PAK3: variants seen among roughly 807,000 people sequenced by gnomAD.
PAK3 encodes serine/threonine-protein kinase PAK 3.
PAK3 carries 4 observed loss-of-function variants against 41.0 expected under a neutral mutation model. That is an observed-to-expected ratio of 0.10 (90% CI 0.05 to 0.22). The LOEUF (loss-of-function observed/expected upper bound fraction) is 0.22, where lower values mean the gene tolerates loss of function less well. Ranked by LOEUF, PAK3 falls within the 10% of genes least tolerant of loss-of-function variation. The pLI, the probability that PAK3 is intolerant of heterozygous loss-of-function variation, is 1.00. For missense variants in PAK3, 205 were observed against 409.9 expected, an observed-to-expected ratio of 0.50 and a Z score of 4.32; for synonymous variants, 146 against 139.6, an observed-to-expected ratio of 1.05 and a Z score of -0.32.
At chrX:110,959,320 A>T (rs1474020477) in intron 1 of PAK3, among the ~76,000 whole-genome samples, 1 of 112,103 alleles carries the variant, frequency 8.9e-6, no homozygotes, top group Non-Finnish European at 1.9e-5. Flanking sequence ...CCATTTCTGC[A>T]ATCCACTGCC....
chrX:111,101,621 G>T lies in PAK3; in HGVS notation c.-175-1538G>T, dbSNP rs145274740. Among the ~76,000 whole-genome samples the T allele has an allele frequency of 3.6e-5, 4 of 112,104 alleles. No individual in the cohort carries two copies. The East Asian group carries it at 1.1e-3, about 32-fold the overall frequency. ...CCTCATCCCCAGAGATGGGCAGGGG[G>T]CTTCTTGAGGCCATTCTTCCTGTGT... is the stretch of plus-strand genomic sequence containing the variant. On this transcript the variant is annotated intron_variant, in intron 3 of 17. Transcript: ENST00000372007.
At position 111,060,948 on chromosome X, in the gene PAK3, T is replaced by C. The variant is rs984921018; in HGVS notation, c.-27-62129T>C. 3.6e-5 allele frequency among the ~76,000 whole-genome samples: 4 copies of C among 111,911 alleles called. 1 individual carries two copies. The highest frequency in any genetic ancestry group is 7.5e-5 in the Non-Finnish European group (4 of 53,180). On this transcript the variant is annotated intron_variant, in intron 1 of 14. Transcript: ENST00000425146. ...GATAGATGAAGGTGAGAGCTCATGG[T>C]TAATTAGTGGTAAAATTGAATAGAT...
chrX:111,165,396 C>T (rs1483622004), intron 10 of PAK3, among the ~76,000 whole-genome samples: 1 of 111,770 alleles, frequency 8.9e-6, no homozygotes, highest in Non-Finnish European at 1.9e-5. Context: ...GCAGCTGATT[C>T]TAATATCCTC....
chrX:111,035,495 G>T (rs1181845558), intron 1 of PAK3, among the ~76,000 whole-genome samples: 3 of 111,822 alleles, frequency 2.7e-5, no homozygotes, highest in Non-Finnish European at 3.8e-5. Context: ...GGACTGAATG[G>T]TGCCTGGCAT....
chrX:111,190,583 C>G (rs771977456), intron 11 of PAK3, among the ~76,000 whole-genome samples: 14 of 111,392 alleles, frequency 1.3e-4, no homozygotes, highest in Non-Finnish European at 2.3e-4. Context: ...GATGTTAGGA[C>G]AAATATTAGA....
At chrX:110,996,940 A>G (rs2091750258) in intron 1 of PAK3, among the ~76,000 whole-genome samples, 1 of 112,031 alleles carries the variant, frequency 8.9e-6, no homozygotes, top group Admixed American at 9.5e-5. Context: ...TAATGGAGAT[A>G]TAAATTTTTT....
intron 1 of PAK3, among the ~76,000 whole-genome samples, chrX:111,061,857 C>G (rs1037842606): frequency 2.7e-4 from 30 of 110,650 alleles, no homozygotes; most frequent in African/African-American, 9.9e-4. Flanking sequence ...CTTTGTTGCC[C>G]AGGCTAGAAT....
At chrX:110,979,547 G>C (rs1185990487) in intron 1 of PAK3, among the ~76,000 whole-genome samples, 1 of 110,956 alleles carries the variant, frequency 9.0e-6, no homozygotes, top group Non-Finnish European at 1.9e-5. Context: ...TCTGGCCTTG[G>C]CCTCCCAAAG....
chrX:111,172,261 A>G (rs1469062165), intron 10 of PAK3, among the ~76,000 whole-genome samples: 1 of 111,970 alleles, frequency 8.9e-6, no homozygotes, highest in Admixed American at 9.5e-5. Flanking sequence ...AATTTTAGCC[A>G]TTCTGATCGG....
intron 1 of PAK3, among the ~76,000 whole-genome samples, chrX:110,963,060 C>A (rs988336922): frequency 8.9e-5 from 10 of 112,118 alleles, no homozygotes; most frequent in African/African-American, 3.2e-4. Context: ...TGAAGAACAA[C>A]CATGGCCTTG....
chrX:111,089,980 A>G (rs1257443948), intron 1 of PAK3, among the ~76,000 whole-genome samples: 1 of 110,563 alleles, frequency 9.0e-6, no homozygotes, highest in Non-Finnish European at 1.9e-5. Context: ...GTAGGAACTG[A>G]ATAAGTCTGT....
intron 1 of PAK3, among the ~76,000 whole-genome samples, chrX:111,062,122 C>T (rs1380459012): frequency 9.0e-6 from 1 of 111,463 alleles, no homozygotes; most frequent in Non-Finnish European, 1.9e-5. Context: ...CACTGAGCTC[C>T]CAGTCACTTT....
intron 16 of PAK3, among the ~76,000 whole-genome samples, chrX:111,206,334 C>T (rs769412103): frequency 9.4e-4 from 105 of 111,791 alleles, no homozygotes; most frequent in Non-Finnish European, 1.7e-3. Flanking sequence ...TAGTTCCAAA[C>T]CTTGGGTACT....
At chrX:111,128,895 T>G (rs957794505) in intron 5 of PAK3, among the ~76,000 whole-genome samples, 1 of 112,006 alleles carries the variant, frequency 8.9e-6, no homozygotes, top group Non-Finnish European at 1.9e-5. Context: ...ATTTTTTTGG[T>G]GTGTACTTTA....
intron 1 of PAK3, among the ~76,000 whole-genome samples, chrX:110,989,376 TA>T (rs1233426705): frequency 8.9e-6 from 1 of 112,641 alleles, no homozygotes; most frequent in South Asian, 3.7e-4. Context: ...TGTGTCCAGA[TA>T]TTTTTTTTCT....
chrX:111,120,966 C>G (rs1395195586), intron 4 of PAK3, among the ~76,000 whole-genome samples: 4 of 111,785 alleles, frequency 3.6e-5, no homozygotes, highest in African/African-American at 1.3e-4. Context: ...TGAAGTCAGT[C>G]TTAAATTCAC....
In PAK3 at chrX:111,096,374, G is replaced by T. The variant is rs942570553; in HGVS notation, c.-394G>T. On this transcript the variant is annotated 5_prime_UTR_variant, in exon 1 of 18. It adds an upstream start codon to the 5' untranslated region. Coordinates refer to ENST00000372007, the MANE Select transcript of PAK3 (RefSeq NM_002578.5). Reference sequence around the variant, plus strand: ...AGCCCCGCCAGCTGGAGCGCTCGGAGGTAGAGGAAAGGTCTTGACGGGGTG... The same window carrying T: ...AGCCCCGCCAGCTGGAGCGCTCGGATGTAGAGGAAAGGTCTTGACGGGGTG... 8.9e-6 allele frequency: 1 copy of T among 111,985 alleles called. No homozygotes were observed. The highest frequency in any genetic ancestry group is 1.9e-5 in the Non-Finnish European group (1 of 53,052). 9.2% of individuals were successfully genotyped at this position (111,985 alleles called of 1,213,427 possible).
At chrX:111,035,199 C>T (rs747865714) in intron 1 of PAK3, among the ~76,000 whole-genome samples, 2 of 108,534 alleles carry the variant, frequency 1.8e-5, no homozygotes, top group South Asian at 4.1e-4. Context: ...GTAATATCTG[C>T]CTTGCCAACC....
Position 111,221,302 on chromosome X carries a change from A to AGAG in PAK3, c.*858_*860dup, listed in dbSNP as rs1420433863. On this transcript the variant is annotated 3_prime_UTR_variant, in exon 18 of 18. Transcript: ENST00000372007. ...GTTGTTAATCTCCTTAATACCTGAAAGAGGACACACTGAAACTGAAACTGT... is the reference window on the plus strand; with the variant it reads ...GTTGTTAATCTCCTTAATACCTGAAAGAGGAGGACACACTGAAACTGAAACTGT... The AGAG allele has an allele frequency of 9.3e-6, 1 of 107,241 alleles. No homozygotes were observed. The highest frequency in any genetic ancestry group is 2.8e-4 in the East Asian group (1 of 3,580). 8.8% of individuals were successfully genotyped at this position (107,241 alleles called of 1,213,427 possible). A position where few individuals can be genotyped will look rare whatever the true frequency, so the allele number is the denominator to read the frequency against.
Sources: allele counts gnomAD v4.1 joint callset (sites outside exome capture counted in the v4.1 genomes callset), GRCh38; gene constraint gnomAD v4.1.1; transcripts MANE v1.5; gene names NCBI Gene and HGNC (gene_info 2026-07-23, HGNC 2026-07-21).